Variants in TSHZ2 observed in about 807,000 individuals in gnomAD.
TSHZ2 encodes the protein teashirt zinc finger homeobox 2, also known as teashirt homolog 2.
Under a neutral mutation model 74.4 loss-of-function variants are expected in TSHZ2, and 21 were observed. That is an observed-to-expected ratio of 0.28 (90% CI 0.20 to 0.41). The LOEUF is 0.41. Among genes scored for constraint, TSHZ2 ranks in the 10% least tolerant of loss-of-function variants. The probability of loss-of-function intolerance (pLI) is 1.00; values close to 1 mark genes in which losing one functional copy is unlikely to be tolerated. For synonymous variants in TSHZ2, 540 were observed against 515.3 expected, an observed-to-expected ratio of 1.05 and a Z score of -0.65; for missense variants, 1,244 against 1,293.5, an observed-to-expected ratio of 0.96 and a Z score of 0.59.
At chr20:53,235,670 T>C (rs373582889) in intron 1 of TSHZ2, among the ~76,000 whole-genome samples, 10 of 152,318 alleles carry the variant, frequency 6.6e-5, no homozygotes, top group Admixed American at 6.5e-5. Context: ...TCTTTATATA[T>C]CCCCAATAAT....
intron 1 of TSHZ2, among the ~76,000 whole-genome samples, chr20:52,994,816 T>C (rs547945316): frequency 1.1e-4 from 16 of 152,294 alleles, no homozygotes; most frequent in Non-Finnish European, 1.9e-4. Context: ...TCCCTCTGTT[T>C]TGCTCCTGGA....
chr20:53,012,786 A>T (rs546097263), intron 1 of TSHZ2, among the ~76,000 whole-genome samples: 1 of 152,222 alleles, frequency 6.6e-6, no homozygotes, highest in Admixed American at 6.5e-5. Flanking sequence ...CATGTCTCAG[A>T]CTGCCTTGGC....
In TSHZ2 at chr20:53,352,292, G is replaced by GA. The variant is rs1220485910; in HGVS notation, c.*8+95723dup. ...TTACTGCATATCTGACCAACACCAT[G>GA]AATTTCCAGAACCCCAGTCCTTTAT... is the stretch of plus-strand genomic sequence containing the variant. On this transcript the variant is annotated intron_variant, in intron 2 of 2. Coordinates refer to ENST00000371497, the MANE Select transcript of TSHZ2 (RefSeq NM_173485.6). Among the ~76,000 whole-genome samples the GA allele has an allele frequency of 3.5e-5, 4 of 115,580 alleles. No individual in the cohort carries two copies. The South Asian group carries it at 1.2e-3, about 35-fold the overall frequency. 75.8% of individuals were successfully genotyped at this position (115,580 alleles called of 152,430 possible).
chr20:53,091,133 TGAG>T (rs1985874006), intron 1 of TSHZ2, among the ~76,000 whole-genome samples: 1 of 152,218 alleles, frequency 6.6e-6, no homozygotes, highest in Non-Finnish European at 1.5e-5. Context: ...TTGTGTAAAA[TGAG>T]GACCACATCA....
At chr20:53,304,863 C>G (rs1418817380) in intron 2 of TSHZ2, among the ~76,000 whole-genome samples, 1 of 152,020 alleles carries the variant, frequency 6.6e-6, no homozygotes, top group African/African-American at 2.4e-5. Flanking sequence ...ATCTCCTGAC[C>G]TCGTGATCTG....
chr20:53,083,552 G>T (rs1985599243), intron 1 of TSHZ2, among the ~76,000 whole-genome samples: 1 of 152,180 alleles, frequency 6.6e-6, no homozygotes, highest in Admixed American at 6.5e-5. Context: ...CTGATAAAAA[G>T]AACAAACAGT....
chr20:53,391,156 G>GTTTTGTTTTGTTTTGT (rs752934627), intron 2 of TSHZ2, among the ~76,000 whole-genome samples: 5 of 63,042 alleles, frequency 7.9e-5, no homozygotes, highest in African/African-American at 3.0e-4. Flanking sequence ...TTTTGTTTTG[G>GTTTTGTTTTGTTTTGT]TTTGGTTTGA....
chr20:53,117,318 A>G (rs1242547051), intron 1 of TSHZ2, among the ~76,000 whole-genome samples: 2 of 152,234 alleles, frequency 1.3e-5, no homozygotes, highest in African/African-American at 4.8e-5. Context: ...ACCAAGAACA[A>G]TTTGGAGTTA....
rs1990097011 is a variant in TSHZ2 at position 53,242,603 on chromosome 20, G to C, written c.41-10896G>C. Reference sequence around the variant, plus strand: ...CTGAGTTCACATCACACTTGTACCTGATTCATCTACTTCCCATAGGGAGTA... The same window carrying C: ...CTGAGTTCACATCACACTTGTACCTCATTCATCTACTTCCCATAGGGAGTA... On this transcript the variant is annotated intron_variant, in intron 1 of 2. Coordinates refer to ENST00000371497, the MANE Select transcript of TSHZ2 (RefSeq NM_173485.6). Among the ~76,000 whole-genome samples, 3 of 152,178 alleles carry C rather than the reference G, an allele frequency of 2.0e-5. No individual in the cohort carries two copies. In the South Asian group the frequency reaches 6.2e-4, roughly 32 times the overall value.
intron 1 of TSHZ2, among the ~76,000 whole-genome samples, chr20:53,018,869 T>C (rs1600648799): frequency 6.6e-6 from 1 of 152,220 alleles, no homozygotes; most frequent in African/African-American, 2.4e-5. Context: ...TATCTTTCAA[T>C]TCGTTTTCTG....
intron 1 of TSHZ2, among the ~76,000 whole-genome samples, chr20:53,131,136 A>G (rs1019378877): frequency 2.0e-5 from 3 of 152,232 alleles, no homozygotes; most frequent in Non-Finnish European, 4.4e-5. Context: ...GATTTCATCA[A>G]ATGGAGAACT....
At chr20:53,146,028 A>ACCTTCAGGAAAAGGT (rs1218718348) in intron 1 of TSHZ2, among the ~76,000 whole-genome samples, 1 of 152,220 alleles carries the variant, frequency 6.6e-6, no homozygotes, top group Admixed American at 6.5e-5. Context: ...GGGTGGATCC[A>ACCTTCAGGAAAAGGT]GGCACTCAAA....
intron 1 of TSHZ2, among the ~76,000 whole-genome samples, chr20:53,230,152 C>G (rs974544743): frequency 1.3e-5 from 2 of 152,156 alleles, no homozygotes; most frequent in African/African-American, 4.8e-5. Context: ...ACATTGTTCA[C>G]TCATTTGCTT....
intron 2 of TSHZ2, among the ~76,000 whole-genome samples, chr20:53,270,742 G>A (rs1990816606): frequency 6.6e-6 from 1 of 152,106 alleles, no homozygotes; most frequent in Admixed American, 6.5e-5. Context: ...GGGGCCTTCA[G>A]CAAATTGACA....
chr20:53,001,655 C>A (rs1349573824), intron 1 of TSHZ2, among the ~76,000 whole-genome samples: 1 of 152,126 alleles, frequency 6.6e-6, no homozygotes, highest in East Asian at 1.9e-4. Context: ...GAAACTTTTT[C>A]TTTTGCCCCA....
rs75634633 is a variant in TSHZ2, at chr20:53,453,621, A to C, written c.*9-33523A>C. Among the ~76,000 whole-genome samples, 559 of 152,348 alleles carry C rather than the reference A, an allele frequency of 3.7e-3. 12 individuals carry two copies. The highest frequency in any genetic ancestry group is 0.029 in the East Asian group (148 of 5,188). On this transcript the variant is annotated intron_variant, in intron 2 of 2. Transcript: ENST00000371497. ...CAGGAGGGGAAAAGCCACTTATGTG[A>C]TAATGAAGATTAACGTAGGGAGCCG...
At chr20:53,132,548 G>A (rs1987132376) in intron 1 of TSHZ2, among the ~76,000 whole-genome samples, 1 of 152,092 alleles carries the variant, frequency 6.6e-6, no homozygotes, top group Admixed American at 6.5e-5. Flanking sequence ...CCAGAGTGCT[G>A]TGATTACAGG....
intron 2 of TSHZ2, among the ~76,000 whole-genome samples, chr20:53,336,186 C>G (rs545237472): frequency 6.6e-6 from 1 of 152,114 alleles, no homozygotes; most frequent in Non-Finnish European, 1.5e-5. Flanking sequence ...CACTTTGTTA[C>G]AGGGTGGCTG....
intron 1 of TSHZ2, among the ~76,000 whole-genome samples, chr20:53,033,824 TA>T (rs1363656464): frequency 6.6e-6 from 1 of 151,722 alleles, no homozygotes; most frequent in Non-Finnish European, 1.5e-5. Context: ...TAGGCCTGGA[TA>T]ATTTTTGTAT....
Sources: allele counts gnomAD v4.1 joint callset (sites outside exome capture counted in the v4.1 genomes callset), GRCh38; gene constraint gnomAD v4.1.1; transcripts MANE v1.5; gene names NCBI Gene and HGNC (gene_info 2026-07-23, HGNC 2026-07-21).